PCLO: variants seen among roughly 807,000 people sequenced by gnomAD.
The protein encoded by PCLO is protein piccolo.
PCLO carries 82 observed loss-of-function variants against 427.5 expected under a neutral mutation model. That is an observed-to-expected ratio of 0.19 (90% CI 0.16 to 0.23). The LOEUF is 0.23. Among genes scored for constraint, PCLO ranks in the 10% least tolerant of loss-of-function variants. The pLI is 1.00. For missense variants in PCLO, 6,239 were observed against 6,115.9 expected (o/e 1.02, Z -0.67); for synonymous variants, 2,357 against 2,155.4 (o/e 1.09, Z -2.59).
chr7:83,137,076 T>C (rs893674997), intron 2 of PCLO, among the ~76,000 whole-genome samples: 1 of 152,086 alleles, frequency 6.6e-6, no homozygotes, highest in African/African-American at 2.4e-5. Context: ...AATGAAACAA[T>C]ATATATAAAT....
Position 82,916,279 on chromosome 7 carries a change from A to G in PCLO, c.11707T>C (p.Tyr3903His). The G allele has an allele frequency of 6.2e-7, 1 of 1,613,684 alleles. No individual in the cohort carries two copies. Among genetic ancestry groups the G allele is most frequent in the South Asian group, 1.1e-5 (1 of 91,084 alleles). Residue 3903 changes from tyrosine (Y) to histidine (H), a missense_variant, in exon 7 of 25, where the codon TAC becomes CAC. Coordinates refer to ENST00000333891, the MANE Select transcript of PCLO (RefSeq NM_033026.6). ...PALPTQAPTS[Y>H]TQQSHFEQQT... ...TGCTCAAAATGAGACTGTTGAGTGTATGAGGTGGGTGCTTGGGTAGGAAGA... is the reference window on the plus strand; with the variant it reads ...TGCTCAAAATGAGACTGTTGAGTGTGTGAGGTGGGTGCTTGGGTAGGAAGA...
chr7:83,026,577 A>G (rs1019687926), intron 3 of PCLO, among the ~76,000 whole-genome samples: 44 of 150,688 alleles, frequency 2.9e-4, no homozygotes, highest in African/African-American at 1.1e-3. Flanking sequence ...ATACCCAGGA[A>G]TTGAACTCAG....
chr7:82,897,502 G>A (rs1237911256), intron 9 of PCLO, among the ~76,000 whole-genome samples: 1 of 151,386 alleles, frequency 6.6e-6, no homozygotes, highest in Non-Finnish European at 1.5e-5. Flanking sequence ...ACATACATAG[G>A]TATAGGTATG....
intron 6 of PCLO, among the ~76,000 whole-genome samples, chr7:82,947,440 T>A (rs1413118443): frequency 6.6e-6 from 1 of 152,186 alleles, no homozygotes; most frequent in Non-Finnish European, 1.5e-5. Flanking sequence ...ACTTAGTAAT[T>A]CACACTCATA....
chr7:82,845,654 G>T (rs1792482447), intron 12 of PCLO, among the ~76,000 whole-genome samples, 169 bp from the exon 13 acceptor site: 1 of 152,124 alleles, frequency 6.6e-6, no homozygotes, highest in African/African-American at 2.4e-5. Context: ...TTCTAAGGAA[G>T]TCTACAAGGC....
chr7:82,975,624 G>T (rs1322059578), intron 3 of PCLO, among the ~76,000 whole-genome samples: 1 of 152,164 alleles, frequency 6.6e-6, no homozygotes, highest in Non-Finnish European at 1.5e-5. Flanking sequence ...TGTCTAGGTT[G>T]AACTATGTTT....
intron 9 of PCLO, among the ~76,000 whole-genome samples, chr7:82,882,915 A>G (rs1793543090): frequency 1.3e-5 from 2 of 152,102 alleles, no homozygotes; most frequent in South Asian, 2.1e-4. Flanking sequence ...AAGCTCTGGT[A>G]TTTTAAAGTA....
chr7:82,900,502 T>G (rs2116180688), intron 9 of PCLO, among the ~76,000 whole-genome samples: 1 of 151,576 alleles, frequency 6.6e-6, no homozygotes, highest in African/African-American at 2.4e-5. Flanking sequence ...TTTTGAAATT[T>G]CATTAACTTG....
chr7:83,068,040 T>C (rs1383646654), intron 3 of PCLO, among the ~76,000 whole-genome samples: 1 of 134,860 alleles, frequency 7.4e-6, no homozygotes, highest in East Asian at 2.2e-4. Flanking sequence ...ATAAGAATTC[T>C]CCTTTTAACA....
rs1407706117 is a variant in PCLO, at chr7:83,134,491, C to T, written c.3059G>A (p.Arg1020Lys). The stretch of plus-strand genomic sequence containing the variant: ...TGGTGGCTTTTTTTCTGTTTCTGTT[C>T]TTTTTACTGTTGGAGCTTGTTCAGC... ...PKAEQAPTVKRTETEKKPPPI... is the reference protein window; with the variant it reads ...PKAEQAPTVKKTETEKKPPPI... The change falls in exon 3 of 25, where the codon AGA (arginine) becomes AAA (lysine). Residue 1020 changes from arginine to lysine, a missense_variant. Around this residue, in one of 5 missense-constraint regions of PCLO, gnomAD observed 4,677 missense variants for 4,468.4 expected, o/e 1.05. Transcript: ENST00000333891. 6.2e-7 allele frequency: 1 copy of T among 1,613,368 alleles called. No homozygotes were observed. The highest frequency in any genetic ancestry group is 1.1e-5 in the South Asian group (1 of 91,064).
chr7:82,943,651 T>G (rs1033371880), intron 6 of PCLO, among the ~76,000 whole-genome samples: 5 of 152,168 alleles, frequency 3.3e-5, no homozygotes, highest in Non-Finnish European at 7.4e-5. Flanking sequence ...TTATTGATCA[T>G]CTGGGGTAGG....
At chr7:82,866,625 T>C (rs1793099436) in intron 10 of PCLO, among the ~76,000 whole-genome samples, 1 of 150,370 alleles carries the variant, frequency 6.7e-6, no homozygotes, top group African/African-American at 2.5e-5. Flanking sequence ...AGGAATCTTA[T>C]TTTCCTTCAC....
In PCLO at chr7:83,077,046, G is replaced by A. The variant is rs921316391; in HGVS notation, c.3300+57204C>T. 2.0e-5 allele frequency among the ~76,000 whole-genome samples: 3 copies of A among 151,226 alleles called. 1 individual carries two copies. The highest frequency in any genetic ancestry group is 2.0e-4 in the Admixed American group (3 of 15,160). ...GATATATATATATATTTTGCATATAGCATCTGTATGTAAAACTGCTAAGAG... is the reference window on the plus strand; with the variant it reads ...GATATATATATATATTTTGCATATAACATCTGTATGTAAAACTGCTAAGAG... On this transcript the variant is annotated intron_variant, in intron 3 of 24. Transcript: ENST00000333891.
chr7:82,952,269 C>T lies in PCLO; in HGVS notation c.8684G>A (p.Gly2895Glu). The change falls in exon 5 of 25, where the codon GGG (glycine) becomes GAG (glutamate). Residue 2895 changes from glycine (G) to glutamate (E), a missense_variant. Coordinates refer to ENST00000333891, the MANE Select transcript of PCLO (RefSeq NM_033026.6). ...DSTVSQGITD[G>E]EVVDLSTTKS... The stretch of plus-strand genomic sequence containing the variant: ...GGTTGTACTGAGATCCACTACTTCC[C>T]CATCAGTGATTCCCTGGGATACGGT... The T allele has an allele frequency of 6.2e-7, 1 of 1,613,938 alleles. No homozygotes were observed. The highest frequency in any genetic ancestry group is 8.5e-7 in the Non-Finnish European group (1 of 1,179,854).
At chr7:82,840,559 A>G (rs1792342337) in intron 14 of PCLO, among the ~76,000 whole-genome samples, 3 of 152,180 alleles carry the variant, frequency 2.0e-5, no homozygotes, top group African/African-American at 7.2e-5. Flanking sequence ...GTCTTAACCT[A>G]CTTCTCGAAG....
chr7:82,769,641 G>A (rs1028196632), intron 22 of PCLO, among the ~76,000 whole-genome samples: 1 of 152,176 alleles, frequency 6.6e-6, no homozygotes, highest in East Asian at 1.9e-4. Context: ...AAGAAGGAAA[G>A]AATGATACCT....
At chr7:82,873,887 A>C (rs562470831) in intron 10 of PCLO, among the ~76,000 whole-genome samples, 3 of 152,280 alleles carry the variant, frequency 2.0e-5, no homozygotes, top group Admixed American at 2.0e-4. Context: ...AATTTAAAGC[A>C]AAGTAACACT....
rs186807026 is a variant in PCLO, at chr7:83,087,772, T to C, written c.3300+46478A>G. Among the ~76,000 whole-genome samples, 146 of 152,226 alleles carry C rather than the reference T, an allele frequency of 9.6e-4. 1 individual carries two copies. The highest frequency in any genetic ancestry group is 3.4e-3 in the African/African-American group (140 of 41,560). ...CAAAATGAGTTATATCAGGCAAAGA[T>C]TGATTCTATTAAATTATGTATTATG... On this transcript the variant is annotated intron_variant, in intron 3 of 24. Coordinates refer to ENST00000333891, the MANE Select transcript of PCLO (RefSeq NM_033026.6).
intron 3 of PCLO, among the ~76,000 whole-genome samples, chr7:83,066,953 T>C (rs1470247408): frequency 6.6e-6 from 1 of 152,152 alleles, no homozygotes; most frequent in African/African-American, 2.4e-5. Flanking sequence ...AATCCCAAAA[T>C]GTTTAGTGCT....
Sources: allele counts gnomAD v4.1 joint callset (sites outside exome capture counted in the v4.1 genomes callset), GRCh38; gene constraint gnomAD v4.1.1; regional missense constraint gnomAD v4.1.1; transcripts MANE v1.5; gene names NCBI Gene and HGNC (gene_info 2026-07-23, HGNC 2026-07-21).